The following UNC5C variants were observed in gnomAD, a reference collection of about 807,000 sequenced individuals.
The protein encoded by UNC5C is netrin receptor UNC5C.
UNC5C carries 47 observed loss-of-function variants against 99.8 expected under a neutral mutation model. The observed-to-expected ratio is 0.47, with a 90% CI of 0.37 to 0.60. UNC5C has a LOEUF of 0.60. Ranked by LOEUF, UNC5C falls within the 20% of genes least tolerant of loss-of-function variation. UNC5C has a pLI of 0.00. For missense variants in UNC5C, 1,062 were observed against 1,165.9 expected (o/e 0.91, Z 1.30); for synonymous variants, 487 against 452.2 (o/e 1.08, Z -0.98).
At chr4:95,179,233 A>G (rs1299999657) in intron 14 of UNC5C, among the ~76,000 whole-genome samples, 1 of 152,228 alleles carries the variant, frequency 6.6e-6, no homozygotes, top group East Asian at 1.9e-4. Context: ...TAGAAAAACT[A>G]GATTTTCCCA....
intron 2 of UNC5C, among the ~76,000 whole-genome samples, chr4:95,322,343 C>T (rs1742724306): frequency 6.6e-6 from 1 of 152,172 alleles, no homozygotes; most frequent in African/African-American, 2.4e-5. Context: ...ATTCCAAATA[C>T]ACACTGTTGG....
chr4:95,222,302 C>A, intron 7 of UNC5C: 4 of 1,293,886 alleles, frequency 3.1e-6, no homozygotes, highest in African/African-American at 1.5e-5. Flanking sequence ...AAAATGGGAA[C>A]AAAATCAAAT....
intron 1 of UNC5C, among the ~76,000 whole-genome samples, chr4:95,383,162 A>G (rs1034747767): frequency 1.3e-5 from 2 of 152,160 alleles, no homozygotes; most frequent in African/African-American, 4.8e-5. Context: ...CAAATACAAA[A>G]ACAGAAGAAG....
At chr4:95,471,330 T>G (rs2149474521) in intron 1 of UNC5C, among the ~76,000 whole-genome samples, 1 of 152,182 alleles carries the variant, frequency 6.6e-6, no homozygotes. Flanking sequence ...AACATGTAAT[T>G]TACAAGACCT....
intron 1 of UNC5C, among the ~76,000 whole-genome samples, chr4:95,507,367 A>C (rs1260972118): frequency 6.6e-6 from 1 of 152,012 alleles, no homozygotes. Context: ...TTTTAACAAC[A>C]TCTAAACAGT....
chr4:95,244,937 T>TA (rs770766518), intron 6 of UNC5C, 40 bp downstream of exon 6: 1 of 1,609,682 alleles, frequency 6.2e-7, no homozygotes, highest in Non-Finnish European at 8.5e-7. Flanking sequence ...GTTTCTTGAA[T>TA]AATAGGAGAT....
At chr4:95,384,850 A>C (rs1007354023) in intron 1 of UNC5C, among the ~76,000 whole-genome samples, 2 of 152,168 alleles carry the variant, frequency 1.3e-5, no homozygotes, top group African/African-American at 4.8e-5. Flanking sequence ...AGATTCTTAA[A>C]GGCTAAATTG....
At chr4:95,452,512 G>A (rs753118149) in intron 1 of UNC5C, among the ~76,000 whole-genome samples, 20 of 151,950 alleles carry the variant, frequency 1.3e-4, no homozygotes, top group African/African-American at 1.9e-4. Flanking sequence ...ACTGAGAAGC[G>A]AACAGCAGAC....
chr4:95,310,240 A>C (rs1742227560), intron 2 of UNC5C, among the ~76,000 whole-genome samples: 1 of 152,180 alleles, frequency 6.6e-6, no homozygotes, highest in Non-Finnish European at 1.5e-5. Context: ...AAAAAAGGTG[A>C]AACCATAGAA....
At chr4:95,203,002 C>T in intron 11 of UNC5C, 38 bp from the exon 12 acceptor site, 1 of 1,604,732 alleles carries the variant, frequency 6.2e-7, no homozygotes, top group South Asian at 1.1e-5. Flanking sequence ...CTAAGTCACC[C>T]AGGACGCATG....
At chr4:95,472,914 A>C (rs1451130055) in intron 1 of UNC5C, among the ~76,000 whole-genome samples, 2 of 152,002 alleles carry the variant, frequency 1.3e-5, no homozygotes, top group Non-Finnish European at 2.9e-5. Flanking sequence ...TCTAAAAAAA[A>C]AAAAATGTGT....
At chr4:95,393,130 CTA>C (rs1745410334) in intron 1 of UNC5C, among the ~76,000 whole-genome samples, 1 of 152,120 alleles carries the variant, frequency 6.6e-6, no homozygotes, top group African/African-American at 2.4e-5. Context: ...TGCTCTTCTG[CTA>C]TGTGTCACTT....
At chr4:95,357,126 C>CTTT (rs758274172) in intron 1 of UNC5C, among the ~76,000 whole-genome samples, 322 of 110,878 alleles carry the variant, frequency 2.9e-3, no homozygotes, top group African/African-American at 0.014. Context: ...TCTTGTTTTC[C>CTTT]TTTTTTTTGT....
intron 14 of UNC5C, among the ~76,000 whole-genome samples, chr4:95,182,635 A>AAGTT (rs1413593364): frequency 1.3e-5 from 2 of 152,200 alleles, no homozygotes; most frequent in African/African-American, 4.8e-5. Flanking sequence ...CTGTTTTTAC[A>AAGTT]AGTTAGAACA....
rs1735843949 is a variant in UNC5C at position 95,166,012 on chromosome 4, TA to T, written c.*3221del. 1 of 152,244 alleles carries T rather than the reference TA, an allele frequency of 6.6e-6. No homozygotes were observed. The highest frequency in any genetic ancestry group is 1.5e-5 in the Non-Finnish European group (1 of 68,040). 9.4% of individuals were successfully genotyped at this position (152,244 alleles called of 1,614,324 possible). The stretch of plus-strand genomic sequence containing the variant: ...TATAAATTTGAAGTGAAAATTTCCC[TA>T]CATCTGTTTGTCATAAAGGTCCTTG... On this transcript the variant is annotated 3_prime_UTR_variant, in exon 16 of 16. Transcript: ENST00000453304.
At chr4:95,221,454 C>A (rs2149368882) in intron 7 of UNC5C, among the ~76,000 whole-genome samples, 1 of 152,282 alleles carries the variant, frequency 6.6e-6, no homozygotes, top group South Asian at 2.1e-4. Context: ...AATAACTCAT[C>A]ATTTCATTTG....
chr4:95,213,985 T>A (rs1484337080), intron 10 of UNC5C, among the ~76,000 whole-genome samples: 1 of 152,198 alleles, frequency 6.6e-6, no homozygotes, highest in Non-Finnish European at 1.5e-5. Flanking sequence ...GCTAAGGTAC[T>A]AACTGAAACC....
chr4:95,521,298 A>G (rs1478412077), intron 1 of UNC5C, among the ~76,000 whole-genome samples: 1 of 146,942 alleles, frequency 6.8e-6, no homozygotes, highest in Non-Finnish European at 1.5e-5. Flanking sequence ...AGCTCACTGC[A>G]ACCTCTGCCT....
At chr4:95,307,575 C>G (rs561802271) in intron 2 of UNC5C, among the ~76,000 whole-genome samples, 1 of 152,240 alleles carries the variant, frequency 6.6e-6, no homozygotes, top group Non-Finnish European at 1.5e-5. Flanking sequence ...TTCTCAAACT[C>G]TTCCAAAAAA....
Sources: gnomAD v4.1 joint callset for allele counts (sites outside exome capture counted in the v4.1 genomes callset) on GRCh38, gnomAD v4.1.1 for gene constraint, MANE v1.5 for transcripts, NCBI Gene and HGNC (gene_info 2026-07-23, HGNC 2026-07-21) for gene names.